Variants in DNAH5 observed in about 807,000 individuals in gnomAD.
DNAH5 encodes the protein axonemal beta dynein heavy chain 5.
A neutral mutation model predicts 518.2 loss-of-function variants in DNAH5; 372 were observed. That is an observed-to-expected ratio of 0.72 (90% CI 0.66 to 0.78). The LOEUF (loss-of-function observed/expected upper bound fraction) is 0.78. Among genes scored for constraint, DNAH5 ranks in the 30% least tolerant of loss-of-function variants. The pLI, the probability that DNAH5 is intolerant of heterozygous loss-of-function variation, is 0.00. For synonymous variants in DNAH5, 2,039 were observed against 2,025.9 expected (o/e 1.01, Z -0.17); for missense variants, 5,523 against 5,687.0 (o/e 0.97, Z 0.93).
chr5:13,999,965 G>GA (rs1405579535), intron 1 of DNAH5, among the ~76,000 whole-genome samples: 18 of 152,074 alleles, frequency 1.2e-4, no homozygotes, highest in Admixed American at 1.2e-3. Context: ...TGTTTTAAAG[G>GA]AAAAAAGAAT....
chr5:13,992,682 T>C (rs529170218), intron 1 of DNAH5, among the ~76,000 whole-genome samples: 2 of 152,370 alleles, frequency 1.3e-5, no homozygotes, highest in East Asian at 3.9e-4. Flanking sequence ...AATGAACAAC[T>C]ATCGAGTGAT....
intron 30 of DNAH5, among the ~76,000 whole-genome samples, chr5:13,851,810 C>T (rs1766887892): frequency 6.6e-6 from 1 of 150,518 alleles, no homozygotes; most frequent in African/African-American, 2.4e-5. Flanking sequence ...AATAGTTCCA[C>T]CCTGCAGCTC....
chr5:13,810,124 G>A lies in DNAH5; in HGVS notation c.7544C>T (p.Thr2515Met), dbSNP rs2127013840. Residue 2515 changes from threonine to methionine, a missense_variant, in exon 45 of 79, where the codon ACG becomes ATG. By Grantham distance (81) the Thr-to-Met change is moderately conservative. Transcript: ENST00000265104. ...ELWLRSRPTG[T>M]LELPPPAGPG... ...CCCCGCTGGCGGCGGCAGCTCCAGC[G>A]TCCCTGTGGGCCGAGAGCGCAGCCA... is the stretch of plus-strand genomic sequence containing the variant. The A allele has an allele frequency of 3.2e-6, 5 of 1,550,364 alleles. No individual in the cohort carries two copies. The highest frequency in any genetic ancestry group is 4.4e-6 in the Non-Finnish European group (5 of 1,147,074).
intron 1 of DNAH5, among the ~76,000 whole-genome samples, chr5:13,951,159 T>A (rs543785109): frequency 6.6e-6 from 1 of 151,074 alleles, no homozygotes; most frequent in Non-Finnish European, 1.5e-5. Context: ...GAATATAAAG[T>A]AACAATATTC....
At position 13,841,904 on chromosome 5, in the gene DNAH5, T is replaced by G; in HGVS notation, c.5272A>C (p.Ile1758Leu). Residue 1758 changes from isoleucine (I) to leucine (L), a missense_variant and splice_region_variant, in exon 33 of 79, where the codon ATC (isoleucine) becomes CTC (leucine). Around this residue, in one of 3 missense-constraint regions of DNAH5, gnomAD observed 5,121 missense variants for 5,223.3 expected, o/e 0.98. Coordinates refer to ENST00000265104, the MANE Select transcript of DNAH5 (RefSeq NM_001369.3). ...NIKSVKFHEK[I>L]YDRILSISSQ... ...GAAATTGACAGAATTCGATCATAGA[T>G]CTATGTTAGAAACCAAAAAAAAAAA... 1 of 1,233,642 alleles carries G rather than the reference T, an allele frequency of 8.1e-7. No individual in the cohort carries two copies. The highest frequency in any genetic ancestry group is 1.1e-6 in the Non-Finnish European group (1 of 873,872). 76.4% of individuals were successfully genotyped at this position (1,233,642 alleles called of 1,614,324 possible).
rs532616851 is a variant in DNAH5, at chr5:13,726,203, G to C, written c.12033+1304C>G. On this transcript the variant is annotated intron_variant, in intron 70 of 78. Coordinates refer to ENST00000265104, the MANE Select transcript of DNAH5 (RefSeq NM_001369.3). Reference sequence around the variant, plus strand: ...CAAAAGGATTCTAAAAGGAGAATAAGAACTTGAGAGAACATTTATCCAACA... The same window carrying C: ...CAAAAGGATTCTAAAAGGAGAATAACAACTTGAGAGAACATTTATCCAACA... Among the ~76,000 whole-genome samples, 9 of 152,328 alleles carry C rather than the reference G, an allele frequency of 5.9e-5. No individual in the cohort carries two copies. The East Asian group carries it at 9.7e-4, about 16-fold the overall frequency.
At chr5:13,834,308 A>G (rs1764084102) in intron 35 of DNAH5, among the ~76,000 whole-genome samples, 1 of 152,222 alleles carries the variant, frequency 6.6e-6, no homozygotes, top group African/African-American at 2.4e-5. Flanking sequence ...TATGATACCT[A>G]TATGTGAAAC....
intron 65 of DNAH5, among the ~76,000 whole-genome samples, chr5:13,739,388 C>T (rs1004975859): frequency 1.3e-5 from 2 of 152,146 alleles, no homozygotes; most frequent in Non-Finnish European, 2.9e-5. Flanking sequence ...CTCACTCTGT[C>T]TTGCCACCCT....
intron 28 of DNAH5, among the ~76,000 whole-genome samples, chr5:13,863,070 T>C (rs745752951): frequency 3.9e-5 from 6 of 152,136 alleles, no homozygotes; most frequent in Non-Finnish European, 7.4e-5. Context: ...TAATCACTGA[T>C]TCAAAATTCA....
In DNAH5 at chr5:13,922,102, C is replaced by T. The variant is rs751030707; in HGVS notation, c.660+5G>A. On this transcript the variant is annotated splice_donor_5th_base_variant and intron_variant, in intron 5 of 78. Coordinates refer to ENST00000265104, the MANE Select transcript of DNAH5 (RefSeq NM_001369.3). ...TTTTTAAAGGAACAGCTTATTCGTCCTCACCTTCTCCTTCAGACTCTCCTG... is the reference window on the plus strand; with the variant it reads ...TTTTTAAAGGAACAGCTTATTCGTCTTCACCTTCTCCTTCAGACTCTCCTG... 1 of 1,613,810 alleles carries T rather than the reference C, an allele frequency of 6.2e-7. No homozygotes were observed. Among genetic ancestry groups the T allele is most frequent in the Non-Finnish European group, 8.5e-7 (1 of 1,179,888 alleles).
rs30169 is a variant in DNAH5, at chr5:13,718,913, T to A, written c.12468A>T (p.Gly4156=). Residue 4156 remains glycine (G), a synonymous_variant, in exon 72 of 79, where the codon GGA becomes GGT. Transcript: ENST00000265104. ...SIKFANDPPQ[G]LRAGLKRTYS... ...ATGTTCTTTTCAGTCCTGCCCGGAGTCCTTGTGGAGGATCGTTGGCAAATT... is the reference window on the plus strand; with the variant it reads ...ATGTTCTTTTCAGTCCTGCCCGGAGACCTTGTGGAGGATCGTTGGCAAATT... 1 of 1,613,644 alleles carries A rather than the reference T, an allele frequency of 6.2e-7. No individual in the cohort carries two copies. The highest frequency in any genetic ancestry group is 8.5e-7 in the Non-Finnish European group (1 of 1,179,762).
chr5:13,708,455 T>C (rs1388316531), intron 75 of DNAH5, 120 bp from the exon 76 acceptor site: 2 of 886,196 alleles, frequency 2.3e-6, no homozygotes, highest in Non-Finnish European at 3.5e-6. Context: ...AATAAGCTTC[T>C]AATTTATTGC....
chr5:13,820,364 A>C lies in DNAH5; in HGVS notation c.6823T>G (p.Leu2275Val). The change falls in exon 41 of 79, where the codon TTG becomes GTG. Residue 2275 changes from leucine (L) to valine (V), a missense_variant. By Grantham distance (32) the Leu-to-Val change is conservative. Around this residue, in one of 3 missense-constraint regions of DNAH5, gnomAD observed 5,121 missense variants for 5,223.3 expected, o/e 0.98. Transcript: ENST00000265104. ...GAGKTTCIHTLMRAMTDCGKP... is the reference protein window; with the variant it reads ...GAGKTTCIHTVMRAMTDCGKP... ...CCTGTACCTGTCATGGCTCTCATCA[A>C]GGTGTGGATGCAGGTGGTCTTCCCA... 6.2e-7 allele frequency: 1 copy of C among 1,611,648 alleles called. No homozygotes were observed. Among genetic ancestry groups the C allele is most frequent in the Non-Finnish European group, 8.5e-7 (1 of 1,180,014 alleles).
chr5:13,891,907 T>A (rs1773276050), intron 16 of DNAH5, among the ~76,000 whole-genome samples: 1 of 152,188 alleles, frequency 6.6e-6, no homozygotes, highest in Admixed American at 6.5e-5. Context: ...TACTAATGGA[T>A]ATCCATCTAA....
At chr5:13,972,019 G>A (rs1227761582) in intron 1 of DNAH5, among the ~76,000 whole-genome samples, 1 of 152,096 alleles carries the variant, frequency 6.6e-6, no homozygotes, top group African/African-American at 2.4e-5. Context: ...GGATGGGGGT[G>A]TGGTTCCCAG....
In DNAH5 at chr5:13,758,991, G is replaced by C. The variant is rs1315633907; in HGVS notation, c.10282-8C>G. 1 of 1,613,916 alleles carries C rather than the reference G, an allele frequency of 6.2e-7. No individual in the cohort carries two copies. The highest frequency in any genetic ancestry group is 1.3e-5 in the African/African-American group (1 of 74,920). ...TTGCACCACCAAGTTGGCCTGCACA[G>C]GACACACACAGAGTGAAGAGATGGG... is the stretch of plus-strand genomic sequence containing the variant. On this transcript the variant is annotated splice_region_variant and splice_polypyrimidine_tract_variant and intron_variant, in intron 60 of 78. Transcript: ENST00000265104.
intron 35 of DNAH5, among the ~76,000 whole-genome samples, chr5:13,831,056 A>G (rs1415486729): frequency 2.0e-5 from 3 of 152,040 alleles, no homozygotes; most frequent in African/African-American, 7.3e-5. Context: ...TTATCATAAT[A>G]TGCAGAGAGA....
Position 13,810,130 on chromosome 5 carries a change from G to A in DNAH5, c.7538C>T (p.Thr2513Ile). 1 of 1,549,976 alleles carries A rather than the reference G, an allele frequency of 6.5e-7. No homozygotes were observed. Among genetic ancestry groups the A allele is most frequent in the Non-Finnish European group, 8.7e-7 (1 of 1,146,766 alleles). Residue 2513 changes from threonine (T) to isoleucine (I), a missense_variant, in exon 45 of 79, where the codon ACA becomes ATA. Physicochemically the swap from Thr to Ile is moderately conservative, Grantham distance 89. Around this residue, in one of 3 missense-constraint regions of DNAH5, gnomAD observed 5,121 missense variants for 5,223.3 expected, o/e 0.98. Transcript: ENST00000265104. ...TGGCGGCGGCAGCTCCAGCGTCCCT[G>A]TGGGCCGAGAGCGCAGCCAGAGCTC... ...RLELWLRSRP[T>I]GTLELPPPAG... is the part of the protein sequence containing the mutation.
intron 38 of DNAH5, among the ~76,000 whole-genome samples, chr5:13,828,331 T>C (rs1189647383): frequency 6.6e-6 from 1 of 152,232 alleles, no homozygotes; most frequent in East Asian, 1.9e-4. Context: ...TTATATATGT[T>C]AGGAAGTGTT....
Sources: gnomAD v4.1 joint callset for allele counts (sites outside exome capture counted in the v4.1 genomes callset) on GRCh38, gnomAD v4.1.1 for gene constraint, gnomAD v4.1.1 regional missense constraint, MANE v1.5 for transcripts, NCBI Gene and HGNC (gene_info 2026-07-23, HGNC 2026-07-21) for gene names.